The following PLAAT3 variants were observed in gnomAD, a reference collection of about 807,000 sequenced individuals.
The protein encoded by PLAAT3 is phospholipase A and acyltransferase 3.
Under a neutral mutation model 16.7 loss-of-function variants are expected in PLAAT3, and 21 were observed. The observed-to-expected ratio is 1.26, with a 90% CI of 0.89 to 1.81. The LOEUF is 1.81. Ranked by LOEUF, PLAAT3 falls within the 40% of genes most tolerant of loss-of-function variation. The probability of loss-of-function intolerance (pLI) is 0.00; values close to 1 mark genes in which losing one functional copy is unlikely to be tolerated. For synonymous variants in PLAAT3, 76 were observed against 81.7 expected (o/e 0.93, Z 0.38); for missense variants, 219 against 213.7 (o/e 1.02, Z -0.16).
At chr11:63,580,216 TA>T (rs947391974) in intron 4 of PLAAT3, among the ~76,000 whole-genome samples, 3 of 152,130 alleles carry the variant, frequency 2.0e-5, no homozygotes, top group Admixed American at 6.5e-5. Context: ...GTACCAGGTG[TA>T]AAGAATAACT....
At chr11:63,614,262 G>A in intron 1 of PLAAT3, 123 bp downstream of exon 1, 3 of 579,070 alleles carry the variant, frequency 5.2e-6, no homozygotes, top group Non-Finnish European at 9.2e-6. Context: ...CCAGCGGGCG[G>A]CTCGGCAGGC....
intron 3 of PLAAT3, among the ~76,000 whole-genome samples, chr11:63,595,059 G>C (rs1938252367): frequency 6.6e-6 from 1 of 152,110 alleles, no homozygotes; most frequent in Admixed American, 6.6e-5. Context: ...GGGAGGCCGA[G>C]GCAGGCAGAT....
At chr11:63,585,286 G>T (rs967144544) in intron 4 of PLAAT3, among the ~76,000 whole-genome samples, 3 of 152,214 alleles carry the variant, frequency 2.0e-5, no homozygotes, top group Non-Finnish European at 4.4e-5. Context: ...GCCTCTCAAA[G>T]TGCTGGGATT....
chr11:63,611,745 A>G (rs1938697727), intron 2 of PLAAT3, among the ~76,000 whole-genome samples: 1 of 152,286 alleles, frequency 6.6e-6, no homozygotes, highest in African/African-American at 2.4e-5. Context: ...CATCATTTCT[A>G]AAGCAATGGA....
chr11:63,610,187 C>A (rs1224657145), intron 2 of PLAAT3, among the ~76,000 whole-genome samples: 1 of 152,232 alleles, frequency 6.6e-6, no homozygotes, highest in Non-Finnish European at 1.5e-5. Flanking sequence ...CTGGCCTCTG[C>A]CTCACCGCAC....
intron 2 of PLAAT3, among the ~76,000 whole-genome samples, chr11:63,601,887 G>T (rs542647145): frequency 6.7e-6 from 1 of 149,020 alleles, no homozygotes; most frequent in Admixed American, 6.8e-5. Flanking sequence ...TGAGGCTGGA[G>T]AATTGCTTGA....
Position 63,589,186 on chromosome 11 carries a change from C to T in PLAAT3, c.387+914G>A, listed in dbSNP as rs559925008. ...ACTAACTCTCCTGAGGTCAGACAGC[C>T]GGCAAAAGGCAGAGACCAGGTCCAG... On this transcript the variant is annotated intron_variant, in intron 4 of 4. Transcript: ENST00000415826. 3.0e-4 allele frequency among the ~76,000 whole-genome samples: 45 copies of T among 151,174 alleles called. No homozygotes were observed. The East Asian group carries it at 5.9e-3, about 20-fold the overall frequency.
chr11:63,611,904 C>T (rs201024841), intron 2 of PLAAT3, among the ~76,000 whole-genome samples: 3 of 151,818 alleles, frequency 2.0e-5, no homozygotes, highest in East Asian at 1.9e-4. Context: ...TTTGGGAGGC[C>T]GAGGCGGGCA....
Position 63,606,425 on chromosome 11 carries a change from A to AACACACACACACACACACACACACAC in PLAAT3, c.15+7549_15+7574dup, listed in dbSNP as rs34044017. On this transcript the variant is annotated intron_variant, in intron 2 of 4. Transcript: ENST00000415826. ...TGGCAAAACCCCGTCTCTACTATAA[A>AACACACACACACACACACACACACAC]ACACACACACACACACACACACACA... Among the ~76,000 whole-genome samples the AACACACACACACACACACACACACAC allele has an allele frequency of 3.9e-4, 55 of 140,204 alleles. 1 individual carries two copies. Among genetic ancestry groups the AACACACACACACACACACACACACAC allele is most frequent in the African/African-American group, 1.4e-3 (52 of 36,236 alleles). The allele number at this position is 140,204 out of a possible 152,430, so 92.0% of individuals were successfully genotyped here.
At chr11:63,613,824 C>T (rs1352235195) in intron 2 of PLAAT3, among the ~76,000 whole-genome samples, 176 bp downstream of exon 2, 2 of 152,262 alleles carry the variant, frequency 1.3e-5, no homozygotes, top group African/African-American at 4.8e-5. Context: ...CGAGACAACT[C>T]CCAACAGGTG....
At chr11:63,598,258 T>C (rs1245871087) in intron 2 of PLAAT3, 95 bp from the exon 3 acceptor site, 9 of 802,130 alleles carry the variant, frequency 1.1e-5, no homozygotes, top group Non-Finnish European at 1.7e-5. Flanking sequence ...GGTCCCCAGC[T>C]ATCAGCTCAG....
At chr11:63,592,965 T>C (rs1938189548) in intron 3 of PLAAT3, among the ~76,000 whole-genome samples, 1 of 152,168 alleles carries the variant, frequency 6.6e-6, no homozygotes, top group African/African-American at 2.4e-5. Context: ...ATCTTTTCCT[T>C]TGAAGGAGTA....
At chr11:63,589,282 C>G (rs754867132) in intron 4 of PLAAT3, among the ~76,000 whole-genome samples, 8 of 151,512 alleles carry the variant, frequency 5.3e-5, no homozygotes, top group Non-Finnish European at 1.2e-4. Context: ...GAAATTGGAT[C>G]TCAAAAAAAA....
intron 3 of PLAAT3, among the ~76,000 whole-genome samples, chr11:63,591,272 C>T (rs948806664): frequency 6.6e-6 from 1 of 152,174 alleles, no homozygotes; most frequent in Non-Finnish European, 1.5e-5. Flanking sequence ...ATCCCAGCTA[C>T]TCAGGAGGCT....
intron 4 of PLAAT3, among the ~76,000 whole-genome samples, chr11:63,579,590 G>A (rs973052855): frequency 1.4e-4 from 22 of 151,932 alleles, no homozygotes; most frequent in Admixed American, 2.6e-4. Flanking sequence ...GGATGAAGCT[G>A]GAAACCATTA....
intron 2 of PLAAT3, among the ~76,000 whole-genome samples, chr11:63,613,696 G>T (rs1938751422): frequency 7.0e-6 from 1 of 143,794 alleles, no homozygotes; most frequent in Admixed American, 7.1e-5. Context: ...GGCTCCGGAG[G>T]GCAGCGCCAG....
chr11:63,607,685 C>T (rs971985373), intron 2 of PLAAT3, among the ~76,000 whole-genome samples: 7 of 151,576 alleles, frequency 4.6e-5, no homozygotes, highest in Admixed American at 6.6e-5. Flanking sequence ...TCCTACACAC[C>T]GTGCTGCAAT....
intron 4 of PLAAT3, 92 bp downstream of exon 4, chr11:63,590,008 G>T: frequency 2.6e-6 from 3 of 1,136,092 alleles, no homozygotes; most frequent in Non-Finnish European, 3.8e-6. Context: ...CTGCTATTTT[G>T]TCTTGTTCAT....
intron 4 of PLAAT3, among the ~76,000 whole-genome samples, chr11:63,578,747 T>C (rs1937698086): frequency 2.6e-5 from 4 of 151,694 alleles, no homozygotes; most frequent in African/African-American, 4.8e-5. Flanking sequence ...ACTTACATGT[T>C]AGACCTAAAA....
Sources: gnomAD v4.1 joint callset for allele counts (sites outside exome capture counted in the v4.1 genomes callset) on GRCh38, gnomAD v4.1.1 for gene constraint, MANE v1.5 for transcripts, NCBI Gene and HGNC (gene_info 2026-07-23, HGNC 2026-07-21) for gene names.